PRKCE: variants seen among roughly 807,000 people sequenced by gnomAD.
PRKCE encodes protein kinase C epsilon type.
Under a neutral mutation model 85.4 loss-of-function variants are expected in PRKCE, and 16 were observed. The ratio of observed to expected loss-of-function variants is 0.19; its 90% CI spans 0.13 to 0.28. The LOEUF is 0.28. Ranked by LOEUF, PRKCE falls within the 10% of genes least tolerant of loss-of-function variation. The pLI, the probability that PRKCE is intolerant of heterozygous loss-of-function variation, is 1.00. For synonymous variants in PRKCE, 388 were observed against 371.5 expected (o/e 1.04, Z -0.51); for missense variants, 573 against 975.2 (o/e 0.59, Z 5.49).
At position 45,651,688 on chromosome 2, in the gene PRKCE, A is replaced by T. The variant is rs1572857439; in HGVS notation, c.-413A>T. 9.3e-6 allele frequency: 1 copy of T among 108,076 alleles called. No homozygotes were observed. The highest frequency in any genetic ancestry group is 1.1e-4 in the Admixed American group (1 of 9,024). The allele number at this position is 108,076 out of a possible 1,614,324, so 6.7% of individuals were successfully genotyped here. ...CCTCCCGGAGTCGAAATTTCCCGGG[A>T]TTATGTTTCGGAAAGGTAGGTAAGC... On this transcript the variant is annotated 5_prime_UTR_variant, in exon 1 of 15. Coordinates refer to ENST00000306156, the MANE Select transcript of PRKCE (RefSeq NM_005400.3).
At chr2:46,085,736 GTTT>G (rs1170933914) in intron 10 of PRKCE, among the ~76,000 whole-genome samples, 2 of 104,564 alleles carry the variant, frequency 1.9e-5, no homozygotes, top group Non-Finnish European at 3.6e-5. Flanking sequence ...TGCAAAATCC[GTTT>G]TTTTTTTTTG....
intron 10 of PRKCE, among the ~76,000 whole-genome samples, chr2:46,080,996 C>G (rs1669016354): frequency 6.6e-6 from 1 of 151,238 alleles, no homozygotes; most frequent in Non-Finnish European, 1.5e-5. Flanking sequence ...CACACACACA[C>G]ACACACATTT....
chr2:45,773,443 G>C (rs927186516), intron 1 of PRKCE, among the ~76,000 whole-genome samples: 39 of 152,334 alleles, frequency 2.6e-4, no homozygotes, highest in African/African-American at 9.4e-4. Context: ...TAAGGGAGGT[G>C]CTGTCATCCT....
intron 1 of PRKCE, among the ~76,000 whole-genome samples, chr2:45,825,507 A>G (rs1032475158): frequency 6.6e-6 from 1 of 151,962 alleles, no homozygotes; most frequent in East Asian, 1.9e-4. Flanking sequence ...TTTTTTCCCC[A>G]CCACACAAAC....
intron 11 of PRKCE, among the ~76,000 whole-genome samples, chr2:46,120,505 G>C (rs1418488589): frequency 2.6e-5 from 4 of 152,196 alleles, no homozygotes; most frequent in African/African-American, 4.8e-5. Flanking sequence ...TGACTCTGAA[G>C]GTTTGGGGGT....
At chr2:45,921,488 A>G (rs1698245290) in intron 2 of PRKCE, among the ~76,000 whole-genome samples, 1 of 152,246 alleles carries the variant, frequency 6.6e-6, no homozygotes. Context: ...TGTTCCTCAC[A>G]ATGACCCAAC....
At chr2:45,924,538 C>A (rs1173873837) in intron 2 of PRKCE, among the ~76,000 whole-genome samples, 1 of 152,206 alleles carries the variant, frequency 6.6e-6, no homozygotes, top group Non-Finnish European at 1.5e-5. Context: ...GACTCTGCCA[C>A]TTCCTAGCAG....
rs115820802 is a variant in PRKCE, at chr2:46,110,428, A to G, written c.1592+24066A>G. Among the ~76,000 whole-genome samples the G allele has an allele frequency of 6.7e-3, 1,026 of 152,278 alleles. 5 individuals carry two copies. The highest frequency in any genetic ancestry group is 0.024 in the African/African-American group (986 of 41,586). On this transcript the variant is annotated intron_variant, in intron 11 of 14. Coordinates refer to ENST00000306156, the MANE Select transcript of PRKCE (RefSeq NM_005400.3). Reference sequence around the variant, plus strand: ...CCTTGTGTGAATCTTGATAGTTTGTATCTTTCACAGAATTGGCCCATTTCA... The same window carrying G: ...CCTTGTGTGAATCTTGATAGTTTGTGTCTTTCACAGAATTGGCCCATTTCA...
In PRKCE at chr2:45,831,465, A is replaced by G. The variant is rs1690417965; in HGVS notation, c.349-11535A>G. Among the ~76,000 whole-genome samples, 3 of 152,204 alleles carry G rather than the reference A, an allele frequency of 2.0e-5. No individual in the cohort carries two copies. In the South Asian group the frequency reaches 6.2e-4, roughly 32 times the overall value. On this transcript the variant is annotated intron_variant, in intron 1 of 14. Coordinates refer to ENST00000306156, the MANE Select transcript of PRKCE (RefSeq NM_005400.3). ...GAAGCACTAATGTCCTCTGGGTACA[A>G]TGTGGAGGGTCAAGGGATATATTCT...
intron 2 of PRKCE, among the ~76,000 whole-genome samples, chr2:45,956,645 A>G (rs1478623199): frequency 1.3e-5 from 2 of 152,146 alleles, no homozygotes; most frequent in African/African-American, 4.8e-5. Flanking sequence ...AGGTCGCACC[A>G]CTACACTCCA....
chr2:46,159,584 G>A lies in PRKCE; in HGVS notation c.1921-22G>A, dbSNP rs755120926. On this transcript the variant is annotated intron_variant, in intron 13 of 14. Coordinates refer to ENST00000306156, the MANE Select transcript of PRKCE (RefSeq NM_005400.3). The surrounding 1 kb of genome is among the most constrained non-coding windows in gnomAD (Gnocchi z 4.1). Reference sequence around the variant, plus strand: ...TGGCCAGGCCTTTGTCACTAATTCCGACTCTGTCCTCATCCCTGCAGTTCA... The same window carrying A: ...TGGCCAGGCCTTTGTCACTAATTCCAACTCTGTCCTCATCCCTGCAGTTCA... The A allele has an allele frequency of 1.4e-5, 22 of 1,567,502 alleles. 1 individual carries two copies. The East Asian group carries it at 2.1e-4, about 15-fold the overall frequency.
At chr2:45,990,995 C>A (rs1467863067) in intron 6 of PRKCE, among the ~76,000 whole-genome samples, 1 of 150,012 alleles carries the variant, frequency 6.7e-6, no homozygotes, top group Non-Finnish European at 1.5e-5. Flanking sequence ...TTCTTTCTTT[C>A]TTCCTTTCTT....
chr2:45,835,429 A>G (rs1690779462), intron 1 of PRKCE, among the ~76,000 whole-genome samples: 1 of 152,002 alleles, frequency 6.6e-6, no homozygotes, highest in Non-Finnish European at 1.5e-5. Context: ...CCTGGCATTC[A>G]CTGGCCACTT....
At chr2:46,101,859 CAAAAAAAAAAAAAA>C (rs56811595) in intron 11 of PRKCE, among the ~76,000 whole-genome samples, 1 of 114,122 alleles carries the variant, frequency 8.8e-6, no homozygotes, top group Non-Finnish European at 1.8e-5. Flanking sequence ...AACTGGCTTT[CAAAAAAAAAAAAAA>C]AAAAAAAAAA....
intron 13 of PRKCE, among the ~76,000 whole-genome samples, chr2:46,156,630 C>T (rs982451060): frequency 3.3e-5 from 5 of 152,210 alleles, no homozygotes; most frequent in African/African-American, 1.2e-4. Flanking sequence ...TCCATCCTGA[C>T]CTTCCTACAG....
chr2:45,727,358 G>GT (rs1681163518), intron 1 of PRKCE, among the ~76,000 whole-genome samples: 2 of 152,232 alleles, frequency 1.3e-5, no homozygotes, highest in Non-Finnish European at 1.5e-5. Context: ...GCGGAATGTT[G>GT]TGTATGTCCA....
intron 10 of PRKCE, among the ~76,000 whole-genome samples, chr2:46,061,192 C>T (rs1340037672): frequency 6.7e-6 from 1 of 149,352 alleles, no homozygotes; most frequent in Admixed American, 6.7e-5. Flanking sequence ...TCGCTGCAGC[C>T]TCAAATGCCC....
At chr2:45,748,848 C>T (rs1047491738) in intron 1 of PRKCE, among the ~76,000 whole-genome samples, 1 of 151,848 alleles carries the variant, frequency 6.6e-6, no homozygotes, top group Non-Finnish European at 1.5e-5. Context: ...GTAAACAGTA[C>T]AGTGCAGGCT....
chr2:45,938,216 G>T (rs983667666), intron 2 of PRKCE, among the ~76,000 whole-genome samples: 3 of 152,156 alleles, frequency 2.0e-5, no homozygotes, highest in Non-Finnish European at 2.9e-5. Context: ...TCTCTTGGAG[G>T]TGGTATTTAG....
Sources: allele counts gnomAD v4.1 joint callset (sites outside exome capture counted in the v4.1 genomes callset), GRCh38; gene constraint gnomAD v4.1.1; non-coding constraint Gnocchi (gnomAD v3.1); transcripts MANE v1.5; gene names NCBI Gene and HGNC (gene_info 2026-07-23, HGNC 2026-07-21).